Variants in MRC2 observed in about 807,000 individuals in gnomAD.
The protein encoded by MRC2 is C-type mannose receptor 2.
A neutral mutation model predicts 206.2 loss-of-function variants in MRC2; 84 were observed. The observed-to-expected ratio is 0.41, with a 90% CI of 0.34 to 0.49. MRC2 has a LOEUF of 0.49. MRC2 is among the 20% of genes least tolerant of loss of function. The pLI is 0.31. For missense variants in MRC2, 1,676 were observed against 2,001.5 expected, an observed-to-expected ratio of 0.84 and a Z score of 3.10; for synonymous variants, 798 against 800.0, an observed-to-expected ratio of 1.00 and a Z score of 0.04.
Position 62,692,145 on chromosome 17 carries a change from G to A in MRC2, c.4219+7G>A. 2.5e-6 allele frequency: 4 copies of A among 1,614,220 alleles called. No individual in the cohort carries two copies. The highest frequency in any genetic ancestry group is 1.1e-5 in the South Asian group (1 of 91,084). ...AGCAGCTTCTCCCCATCAGGTGAGT[G>A]AAAGGCAATGCCCCCAGGTGGGCAG... is the stretch of plus-strand genomic sequence containing the variant. On this transcript the variant is annotated splice_region_variant and intron_variant, in intron 29 of 29. Transcript: ENST00000303375. The surrounding 1 kb of genome is among the most constrained non-coding windows in gnomAD (Gnocchi z 4.2).
chr17:62,685,695 A>G (rs1415789733), intron 20 of MRC2, among the ~76,000 whole-genome samples: 1 of 152,086 alleles, frequency 6.6e-6, no homozygotes, highest in East Asian at 1.9e-4. Flanking sequence ...TTATGCCACC[A>G]TGCCCAGCTA....
chr17:62,673,653 C>T (rs1371536001), intron 8 of MRC2, among the ~76,000 whole-genome samples: 1 of 151,988 alleles, frequency 6.6e-6, no homozygotes, highest in African/African-American at 2.4e-5. Flanking sequence ...GGATTACAGG[C>T]ATGCACCACC....
chr17:62,674,708 G>GC, intron 9 of MRC2, among the ~76,000 whole-genome samples: 1 of 152,044 alleles, frequency 6.6e-6, no homozygotes, highest in African/African-American at 2.4e-5. Context: ...TTGAGGGGGG[G>GC]GGTGTCAAGG....
intron 2 of MRC2, among the ~76,000 whole-genome samples, chr17:62,665,360 G>A (rs566393347): frequency 1.1e-4 from 17 of 148,800 alleles, no homozygotes; most frequent in Non-Finnish European, 2.4e-4. Flanking sequence ...CTGAGATTGC[G>A]CCACTGCACT....
intron 1 of MRC2, among the ~76,000 whole-genome samples, chr17:62,646,350 G>A (rs148093955): frequency 1.3e-5 from 2 of 152,100 alleles, no homozygotes; most frequent in South Asian, 4.1e-4. Flanking sequence ...TTAAGAGACA[G>A]GGTCTCATTA....
Position 62,666,068 on chromosome 17 carries a change from G to A in MRC2, c.521-26G>A. 4 of 1,564,676 alleles carry A rather than the reference G, an allele frequency of 2.6e-6. No individual in the cohort carries two copies. The highest frequency in any genetic ancestry group is 3.5e-6 in the Non-Finnish European group (4 of 1,154,616). ...AGCCTCTGGTGTCCAGATGCCAAGG[G>A]CCTGGCCCCTGTCCACCCCCTGCAG... On this transcript the variant is annotated intron_variant, in intron 2 of 29. Coordinates refer to ENST00000303375, the MANE Select transcript of MRC2 (RefSeq NM_006039.5). The surrounding 1 kb of genome is among the most constrained non-coding windows in gnomAD (Gnocchi z 5.0).
At position 62,627,845 on chromosome 17, in the gene MRC2, C is replaced by T; in HGVS notation, c.43C>T (p.Leu15=). ...RPAPAPWPRH[L]LRCVLLLGCL... ...GGCCCCCGCGCCCTGGCCTCGTCAC[C>T]TGCTGCGCTGCGTCCTGCTCCTCGG... The change falls in exon 1 of 30, where the codon CTG becomes TTG. Residue 15 remains leucine, a synonymous_variant. Transcript: ENST00000303375. 5 of 1,476,242 alleles carry T rather than the reference C, an allele frequency of 3.4e-6. No homozygotes were observed. The South Asian group carries it at 6.4e-5, about 19-fold the overall frequency. The allele number at this position is 1,476,242 out of a possible 1,614,324, so 91.4% of individuals were successfully genotyped here. A position where few individuals can be genotyped will look rare whatever the true frequency, so the allele number is the denominator to read the frequency against.
At chr17:62,683,456 G>A (rs951495995) in intron 20 of MRC2, among the ~76,000 whole-genome samples, 2 of 131,102 alleles carry the variant, frequency 1.5e-5, no homozygotes, top group Non-Finnish European at 3.2e-5. Flanking sequence ...CAACAAAAGC[G>A]AAACTCCGTC....
chr17:62,627,935 A>G lies in MRC2; in HGVS notation c.118+15A>G, dbSNP rs1325157106. 4.2e-6 allele frequency: 6 copies of G among 1,412,360 alleles called. No homozygotes were observed. Among genetic ancestry groups the G allele is most frequent in the East Asian group, 3.0e-5 (1 of 33,324 alleles). 87.5% of individuals were successfully genotyped at this position (1,412,360 alleles called of 1,614,324 possible). A position where few individuals can be genotyped will look rare whatever the true frequency, so the allele number is the denominator to read the frequency against. ...CGCCCTCCCGGGTAAGGCGCTGCCA[A>G]CTTGGCCAACTTCAGGGCCCGGGCG... On this transcript the variant is annotated intron_variant, in intron 1 of 29. Coordinates refer to ENST00000303375, the MANE Select transcript of MRC2 (RefSeq NM_006039.5).
chr17:62,645,296 TAAAG>T, intron 1 of MRC2, among the ~76,000 whole-genome samples: 1 of 151,874 alleles, frequency 6.6e-6, no homozygotes, highest in South Asian at 2.1e-4. Flanking sequence ...ATTTCACAGA[TAAAG>T]AAATTGAGCC....
At chr17:62,677,238 A>G (rs1229281125) in intron 11 of MRC2, 31 bp from the exon 12 acceptor site, 1 of 1,528,894 alleles carries the variant, frequency 6.5e-7, no homozygotes, top group South Asian at 1.2e-5. Flanking sequence ...AATCCTTCTC[A>G]GAGCCTGGGT....
rs773073689 is a variant in MRC2 at position 62,692,223 on chromosome 17, C to G, written c.4220-8C>G. ...CACTTGGCCTTTCACGCCCACTCGCCTTGGCAGCGCTTCCAGAGAACCCAG... is the reference window on the plus strand; with the variant it reads ...CACTTGGCCTTTCACGCCCACTCGCGTTGGCAGCGCTTCCAGAGAACCCAG... On this transcript the variant is annotated splice_region_variant and splice_polypyrimidine_tract_variant and intron_variant, in intron 29 of 29. Coordinates refer to ENST00000303375, the MANE Select transcript of MRC2 (RefSeq NM_006039.5). This position sits in a 1 kb window ranked among gnomAD's most constrained non-coding sequence, Gnocchi z 4.2. 5 of 1,612,180 alleles carry G rather than the reference C, an allele frequency of 3.1e-6. No homozygotes were observed. In the East Asian group the frequency reaches 1.1e-4, roughly 36 times the overall value.
intron 1 of MRC2, among the ~76,000 whole-genome samples, chr17:62,655,414 C>A (rs1447040727): frequency 6.6e-6 from 1 of 151,740 alleles, no homozygotes; most frequent in East Asian, 1.9e-4. Context: ...TGGTGGCGGG[C>A]GCCTGTAGTC....
chr17:62,633,375 C>T (rs1400872996), intron 1 of MRC2, among the ~76,000 whole-genome samples: 6 of 151,544 alleles, frequency 4.0e-5, no homozygotes, highest in African/African-American at 1.2e-4. Flanking sequence ...GATGTGGGGG[C>T]GCCTGTAGTC....
At chr17:62,681,349 C>G (rs1412020643) in intron 18 of MRC2, 1 of 600,892 alleles carries the variant, frequency 1.7e-6, no homozygotes, top group African/African-American at 1.9e-5. Context: ...ATAACATATG[C>G]GAAGTGCTTA....
chr17:62,647,888 C>T (rs921600380), intron 1 of MRC2, among the ~76,000 whole-genome samples: 3 of 152,210 alleles, frequency 2.0e-5, no homozygotes, highest in African/African-American at 7.2e-5. Flanking sequence ...TCCCTGCCAA[C>T]TACCCAGCGG....
intron 1 of MRC2, among the ~76,000 whole-genome samples, chr17:62,661,308 G>T (rs2147459909): frequency 6.6e-6 from 1 of 152,264 alleles, no homozygotes; most frequent in Non-Finnish European, 1.5e-5. Context: ...GCCTTCTGTT[G>T]TTGTTGTTTT....
intron 20 of MRC2, among the ~76,000 whole-genome samples, chr17:62,685,714 A>T (rs1438216710): frequency 5.9e-5 from 9 of 151,472 alleles, no homozygotes; most frequent in Non-Finnish European, 1.3e-4. Flanking sequence ...TAATTTTTCT[A>T]TTTTTTTTGT....
chr17:62,654,186 G>A (rs2147452299), intron 1 of MRC2, among the ~76,000 whole-genome samples: 1 of 152,186 alleles, frequency 6.6e-6, no homozygotes, highest in African/African-American at 2.4e-5. Context: ...CTCAGAGGCT[G>A]GAGGCCACCC....
Sources: gnomAD v4.1 joint callset for allele counts (sites outside exome capture counted in the v4.1 genomes callset) on GRCh38, gnomAD v4.1.1 for gene constraint, Gnocchi (gnomAD v3.1) non-coding constraint, MANE v1.5 for transcripts, NCBI Gene and HGNC (gene_info 2026-07-23, HGNC 2026-07-21) for gene names.